DLG2: variants seen among roughly 807,000 people sequenced by gnomAD.
DLG2 encodes the protein disks large homolog 2.
A neutral mutation model predicts 132.5 loss-of-function variants in DLG2; 45 were observed. The observed-to-expected ratio is 0.34, with a 90% CI of 0.27 to 0.44. The LOEUF is 0.44. DLG2 is among the 20% of genes least tolerant of loss of function. The pLI, the probability that DLG2 is intolerant of heterozygous loss-of-function variation, is 1.00. For synonymous variants in DLG2, 424 were observed against 419.6 expected (o/e 1.01, Z -0.13); for missense variants, 1,045 against 1,196.9 (o/e 0.87, Z 1.87).
At chr11:84,362,947 G>T (rs1204361824) in intron 7 of DLG2, among the ~76,000 whole-genome samples, 18 of 152,090 alleles carry the variant, frequency 1.2e-4, no homozygotes, top group Admixed American at 8.5e-4. Flanking sequence ...CTTTGCTATT[G>T]TGAATAGTGC....
rs1323809130 is a variant in DLG2, at chr11:83,700,892, A to G, written c.1826-67567T>C. ...CAAGTGTTCAGATATTGTAACCCAA[A>G]CAATTGCTCTAGTAGTGCCTGCTTT... is the stretch of plus-strand genomic sequence containing the variant. On this transcript the variant is annotated intron_variant, in intron 18 of 27. Transcript: ENST00000376104. 2.0e-5 allele frequency among the ~76,000 whole-genome samples: 3 copies of G among 152,372 alleles called. No individual in the cohort carries two copies. In the East Asian group the frequency reaches 5.8e-4, roughly 29 times the overall value.
At chr11:84,711,583 A>C (rs75749140) in intron 6 of DLG2, among the ~76,000 whole-genome samples, 9,533 of 152,002 alleles carry the variant, frequency 0.063, 387 homozygotes, top group Middle Eastern at 0.11. Flanking sequence ...CACAAAAGCC[A>C]GCAGGCTCAA....
At chr11:84,937,096 G>A (rs1466745399) in intron 6 of DLG2, among the ~76,000 whole-genome samples, 1 of 152,104 alleles carries the variant, frequency 6.6e-6, no homozygotes, top group African/African-American at 2.4e-5. Flanking sequence ...AGTTTGCAGT[G>A]AGCCGAGATC....
At chr11:84,091,064 A>G (rs2097084490) in intron 10 of DLG2, among the ~76,000 whole-genome samples, 1 of 152,236 alleles carries the variant, frequency 6.6e-6, no homozygotes, top group Middle Eastern at 3.2e-3. Context: ...ACTAGTGATT[A>G]GCTTTGTGTA....
At chr11:85,118,993 A>T (rs2073992183) in intron 5 of DLG2, among the ~76,000 whole-genome samples, 1 of 151,826 alleles carries the variant, frequency 6.6e-6, no homozygotes, top group African/African-American at 2.4e-5. Flanking sequence ...TATCTTATTA[A>T]TTGGGGATCT....
chr11:83,593,730 T>A (rs1455409727), intron 19 of DLG2, among the ~76,000 whole-genome samples: 2 of 150,342 alleles, frequency 1.3e-5, no homozygotes, highest in Non-Finnish European at 1.5e-5. Flanking sequence ...CATGTGGAAA[T>A]CCAGTCCTGG....
At chr11:85,195,092 C>T (rs1440389432) in intron 4 of DLG2, among the ~76,000 whole-genome samples, 2 of 152,194 alleles carry the variant, frequency 1.3e-5, no homozygotes, top group South Asian at 4.1e-4. Context: ...CAAGGGACAG[C>T]ATCTAAAAAT....
At chr11:83,927,072 G>A (rs2079108440) in intron 15 of DLG2, among the ~76,000 whole-genome samples, 1 of 152,116 alleles carries the variant, frequency 6.6e-6, no homozygotes, top group Non-Finnish European at 1.5e-5. Flanking sequence ...TCATGGAGTA[G>A]TTTTATATAC....
chr11:84,608,913 T>A (rs964735614), intron 6 of DLG2, among the ~76,000 whole-genome samples: 2 of 152,186 alleles, frequency 1.3e-5, no homozygotes, highest in South Asian at 2.1e-4. Context: ...ACTTTTTAAA[T>A]AAGTAAATTC....
rs1046973516 is a variant in DLG2 at position 85,062,588 on chromosome 11, C to A, written c.357+49073G>T. On this transcript the variant is annotated intron_variant, in intron 6 of 27. Transcript: ENST00000376104. ...AGATAAGTTTTTACCATAGGTCATA[C>A]AGCTTGTTAGGGCAAAGAAAGACTT... Among the ~76,000 whole-genome samples the A allele has an allele frequency of 1.0e-4, 15 of 149,904 alleles. No individual in the cohort carries two copies. In the Middle Eastern group the frequency reaches 0.014, roughly 141 times the overall value.
chr11:83,471,079 A>C (rs1360132598), intron 24 of DLG2, among the ~76,000 whole-genome samples: 1 of 152,060 alleles, frequency 6.6e-6, no homozygotes, highest in Non-Finnish European at 1.5e-5. Flanking sequence ...ATCTATAATG[A>C]GAAGAAAGTA....
At position 83,732,354 on chromosome 11, in the gene DLG2, C is replaced by G. The variant is rs145260416; in HGVS notation, c.1825+54336G>C. Among the ~76,000 whole-genome samples the G allele has an allele frequency of 2.5e-4, 38 of 152,282 alleles. 1 individual carries two copies. The highest frequency in any genetic ancestry group is 8.9e-4 in the African/African-American group (37 of 41,568). On this transcript the variant is annotated intron_variant, in intron 18 of 27. Coordinates refer to ENST00000376104, the MANE Select transcript of DLG2 (RefSeq NM_001142699.3). ...CAACCAGATGCCAGGTGACCTTCAA[C>G]TATTCTTAAATGTCTCTCATGTTGG...
intron 24 of DLG2, 38 bp downstream of exon 24, chr11:83,471,587 CT>C (rs1565357326): frequency 6.9e-7 from 1 of 1,456,044 alleles, no homozygotes; most frequent in South Asian, 1.1e-5. Flanking sequence ...AATCCAAGCT[CT>C]TTTTGTTTTT....
Position 83,689,367 on chromosome 11 carries a change from A to T in DLG2, c.1826-56042T>A, listed in dbSNP as rs78893460. Among the ~76,000 whole-genome samples, 1,378 of 152,302 alleles carry T rather than the reference A, an allele frequency of 9.0e-3. 15 individuals are homozygous for T. The highest frequency in any genetic ancestry group is 0.031 in the African/African-American group (1,303 of 41,574). ...TTATCCATTTAGCACTTAATAACAT[A>T]AGTACATGTGATGGAAAAAAAGACT... On this transcript the variant is annotated intron_variant, in intron 18 of 27. Coordinates refer to ENST00000376104, the MANE Select transcript of DLG2 (RefSeq NM_001142699.3).
chr11:85,026,545 C>T (rs2060526995), intron 6 of DLG2, among the ~76,000 whole-genome samples: 1 of 151,986 alleles, frequency 6.6e-6, no homozygotes. Context: ...TTAAAATAAG[C>T]ATATTCTTTC....
chr11:83,773,715 G>T (rs2094481836), intron 18 of DLG2, among the ~76,000 whole-genome samples: 1 of 152,212 alleles, frequency 6.6e-6, no homozygotes, highest in African/African-American at 2.4e-5. Flanking sequence ...AGTTCGAAGA[G>T]AAACTGCAAG....
At chr11:84,578,166 C>A (rs939457607) in intron 6 of DLG2, among the ~76,000 whole-genome samples, 1 of 152,146 alleles carries the variant, frequency 6.6e-6, no homozygotes, top group African/African-American at 2.4e-5. Context: ...GCTGCATGGA[C>A]GGGGCCCTCA....
chr11:84,907,932 C>A (rs912692258), intron 6 of DLG2, among the ~76,000 whole-genome samples: 5 of 152,138 alleles, frequency 3.3e-5, no homozygotes, highest in African/African-American at 7.2e-5. Flanking sequence ...TTAAATCTAG[C>A]ATTCAATGGT....
intron 3 of DLG2, among the ~76,000 whole-genome samples, chr11:85,502,810 AG>A (rs2093835899): frequency 6.6e-6 from 1 of 152,156 alleles, no homozygotes; most frequent in African/African-American, 2.4e-5. Flanking sequence ...CAGAAGTTAA[AG>A]TAAAATTTTT....
Sources: gnomAD v4.1 joint callset for allele counts (sites outside exome capture counted in the v4.1 genomes callset) on GRCh38, gnomAD v4.1.1 for gene constraint, MANE v1.5 for transcripts, NCBI Gene and HGNC (gene_info 2026-07-23, HGNC 2026-07-21) for gene names.